Variants in TRIM56 observed in about 807,000 individuals in gnomAD.
TRIM56 encodes the protein E3 ubiquitin-protein ligase TRIM56.
A neutral mutation model predicts 17.1 loss-of-function variants in TRIM56; 10 were observed. The ratio of observed to expected loss-of-function variants is 0.58; its 90% CI spans 0.36 to 0.99. TRIM56 has a LOEUF of 0.99. Among genes scored for constraint, TRIM56 ranks in the 50% least tolerant of loss-of-function variants. TRIM56 has a pLI of 0.01. For synonymous variants in TRIM56, 503 were observed against 473.5 expected (o/e 1.06, Z -0.81); for missense variants, 923 against 1,052.3 (o/e 0.88, Z 1.70).
intron 1 of TRIM56, among the ~76,000 whole-genome samples, chr7:101,085,873 C>T (rs1451748427): frequency 2.6e-5 from 4 of 152,122 alleles, no homozygotes; most frequent in African/African-American, 4.8e-5. Flanking sequence ...GCCAGGAGCT[C>T]GGGACTCCCT....
Position 101,087,318 on chromosome 7 carries a change from T to A in TRIM56, c.6T>A (p.Val2=). ...CTGACGCCTCTGCCTGCAGCATGGT[T>A]TCCCACGGGTCCTCGCCCTCCCTCC... is the stretch of plus-strand genomic sequence containing the variant. The part of the protein sequence containing the change: M[V]SHGSSPSLLE... The change falls in exon 3 of 3, where the codon GTT becomes GTA. Residue 2 remains valine (V), a synonymous_variant. Transcript: ENST00000306085. 1.2e-6 allele frequency: 2 copies of A among 1,611,064 alleles called. No individual in the cohort carries two copies. Among genetic ancestry groups the A allele is most frequent in the Non-Finnish European group, 1.7e-6 (2 of 1,178,418 alleles).
In TRIM56 at chr7:101,087,921, G is replaced by T. The variant is rs778760410; in HGVS notation, c.609G>T (p.Leu203=). Residue 203 remains leucine (L), a synonymous_variant, in exon 3 of 3, where the codon CTG becomes CTT. Transcript: ENST00000306085. ...RLDPHLDHPC[L]PLAEAVRARR... is the part of the protein sequence containing the mutation. ...ACCCCCACCTGGACCACCCCTGCCT[G>T]CCTCTGGCTGAAGCTGTGCGTGCCC... 3 of 1,601,662 alleles carry T rather than the reference G, an allele frequency of 1.9e-6. No individual in the cohort carries two copies. The highest frequency in any genetic ancestry group is 2.5e-6 in the Non-Finnish European group (3 of 1,177,556).
At chr7:101,085,888 C>T (rs552279107) in intron 1 of TRIM56, among the ~76,000 whole-genome samples, 158 of 152,292 alleles carry the variant, frequency 1.0e-3, no homozygotes, top group Non-Finnish European at 1.9e-3. Context: ...CTCCCTCCCT[C>T]CAGAGGTTTC....
In TRIM56 at chr7:101,091,851, T is replaced by C. The variant is rs1360999849; in HGVS notation, c.*2271T>C. ...CTCTGATGCCGAGCCGAAGCTGGAC[T>C]GTACTGCTGCCATCTCGGCTCACTG... On this transcript the variant is annotated 3_prime_UTR_variant, in exon 3 of 3. Coordinates refer to ENST00000306085, the MANE Select transcript of TRIM56 (RefSeq NM_030961.3). 5.5e-6 allele frequency: 2 copies of C among 364,602 alleles called. No homozygotes were observed. The highest frequency in any genetic ancestry group is 1.1e-5 in the Non-Finnish European group (2 of 186,494). 22.6% of individuals were successfully genotyped at this position (364,602 alleles called of 1,614,324 possible).
rs1296714054 is a variant in TRIM56, at chr7:101,096,045, C to A, written c.*6465C>A. On this transcript the variant is annotated 3_prime_UTR_variant, in exon 3 of 3. Coordinates refer to ENST00000306085, the MANE Select transcript of TRIM56 (RefSeq NM_030961.3). ...CTCTACTAAAAATACAAAAATTAGC[C>A]AGGCGTGGTGGCACATGCCTGTAAT... is the stretch of plus-strand genomic sequence containing the variant. The A allele has an allele frequency of 2.6e-5, 4 of 152,104 alleles. No individual in the cohort carries two copies. Among genetic ancestry groups the A allele is most frequent in the South Asian group, 2.1e-4 (1 of 4,816 alleles). The allele number at this position is 152,104 out of a possible 1,614,324, so 9.4% of individuals were successfully genotyped here.
rs750360285 is a variant in TRIM56, at chr7:101,089,443, C to T, written c.2131C>T (p.Leu711Phe). ...KVVILDPKGSLLGDFLTAYHG... is the reference protein window; with the variant it reads ...KVVILDPKGSFLGDFLTAYHG... Reference sequence around the variant, plus strand: ...GGTGATCCTGGACCCGAAGGGGTCCCTCCTTGGAGACTTCCTGACAGCCTA... The same window carrying T: ...GGTGATCCTGGACCCGAAGGGGTCCTTCCTTGGAGACTTCCTGACAGCCTA... The change falls in exon 3 of 3, where the codon CTC becomes TTC. Residue 711 changes from leucine to phenylalanine, a missense_variant. Physicochemically the swap from Leu to Phe is conservative, Grantham distance 22. This residue lies in a region of TRIM56 where 182 missense variants were observed against 243.1 expected (regional missense o/e 0.75). Coordinates refer to ENST00000306085, the MANE Select transcript of TRIM56 (RefSeq NM_030961.3). The T allele has an allele frequency of 1.9e-6, 3 of 1,614,262 alleles. No individual in the cohort carries two copies. Among genetic ancestry groups the T allele is most frequent in the Admixed American group, 3.3e-5 (2 of 60,032 alleles).
chr7:101,088,562 A>AGCCGGAGATG lies in TRIM56; in HGVS notation c.1251_1252insCCGGAGATGG (p.Thr418ProfsTer112). ...CAGCCCCAGGCTGGAGATGGAGCCC[A>AGCCGGAGATG]GACCCCAAAAGAGGAAAAAGCCCAG... On this transcript the variant is annotated frameshift_variant, in exon 3 of 3. Transcript: ENST00000306085. LOFTEE classifies it high-confidence loss of function. The AGCCGGAGATG allele has an allele frequency of 1.2e-6, 2 of 1,609,986 alleles. No individual in the cohort carries two copies. The highest frequency in any genetic ancestry group is 1.7e-6 in the Non-Finnish European group (2 of 1,176,794).
Position 101,089,691 on chromosome 7 carries a change from C to T in TRIM56, c.*111C>T. 1 of 1,029,052 alleles carries T rather than the reference C, an allele frequency of 9.7e-7. No individual in the cohort carries two copies. The highest frequency in any genetic ancestry group is 1.4e-6 in the Non-Finnish European group (1 of 712,558). The allele number at this position is 1,029,052 out of a possible 1,614,324, so 63.7% of individuals were successfully genotyped here. On this transcript the variant is annotated 3_prime_UTR_variant, in exon 3 of 3. Coordinates refer to ENST00000306085, the MANE Select transcript of TRIM56 (RefSeq NM_030961.3). ...CATTTTCCTGAAGGGCAGGGGTTGG[C>T]AACTTTTCAACATGGAGTGCCAAAC...
At position 101,090,597 on chromosome 7, in the gene TRIM56, C is replaced by T. The variant is rs1795543979; in HGVS notation, c.*1017C>T. 3 of 122,244 alleles carry T rather than the reference C, an allele frequency of 2.5e-5. No homozygotes were observed. In the South Asian group the frequency reaches 8.4e-4, roughly 34 times the overall value. The allele number at this position is 122,244 out of a possible 1,614,324, so 7.6% of individuals were successfully genotyped here. A position where few individuals can be genotyped will look rare whatever the true frequency, so the allele number is the denominator to read the frequency against. On this transcript the variant is annotated 3_prime_UTR_variant, in exon 3 of 3. Transcript: ENST00000306085. ...TATGATCGCACCACTGCATTCCAGA[C>T]CCCATCTCGAAAAAAAAAAAAAAAA...
In TRIM56 at chr7:101,091,921, G is replaced by A. The variant is rs969516493; in HGVS notation, c.*2341G>A. 41 of 306,074 alleles carry A rather than the reference G, an allele frequency of 1.3e-4. No homozygotes were observed. The highest frequency in any genetic ancestry group is 2.2e-4 in the Non-Finnish European group (34 of 154,736). 19.0% of individuals were successfully genotyped at this position (306,074 alleles called of 1,614,324 possible). A position where few individuals can be genotyped will look rare whatever the true frequency, so the allele number is the denominator to read the frequency against. On this transcript the variant is annotated 3_prime_UTR_variant, in exon 3 of 3. Coordinates refer to ENST00000306085, the MANE Select transcript of TRIM56 (RefSeq NM_030961.3). ...TCCTGCCTCAGCCTGCCGAGTGCCT[G>A]CGATTGCAGGCGCGCGCCGCCACGC... is the stretch of plus-strand genomic sequence containing the variant.
chr7:101,087,601 G>C lies in TRIM56; in HGVS notation c.289G>C (p.Gly97Arg), dbSNP rs763005908. 3.6e-5 allele frequency: 58 copies of C among 1,612,234 alleles called. No individual in the cohort carries two copies. The highest frequency in any genetic ancestry group is 3.7e-5 in the Non-Finnish European group (44 of 1,179,554). Reference protein sequence around the residue: ...KARACGDLRAGKPACALCPLV... With the variant: ...KARACGDLRARKPACALCPLV... ...CCGGGCCTGTGGAGACCTGCGTGCC[G>C]GGAAGCCAGCCTGTGCCCTGTGTCC... Residue 97 changes from glycine (G) to arginine (R), a missense_variant, in exon 3 of 3, where the codon GGG becomes CGG. By Grantham distance (125) the Gly-to-Arg change is moderately radical. Coordinates refer to ENST00000306085, the MANE Select transcript of TRIM56 (RefSeq NM_030961.3).
At position 101,089,279 on chromosome 7, in the gene TRIM56, A is replaced by G; in HGVS notation, c.1967A>G (p.Asn656Ser). 1 of 1,609,972 alleles carries G rather than the reference A, an allele frequency of 6.2e-7. No individual in the cohort carries two copies. Among genetic ancestry groups the G allele is most frequent in the Non-Finnish European group, 8.5e-7 (1 of 1,177,048 alleles). Reference sequence around the variant, plus strand: ...TTCGTGGGGTCGGACTGGCAGCAGAATAGTGTGGTAATCTGTGATGGGCTG... The same window carrying G: ...TTCGTGGGGTCGGACTGGCAGCAGAGTAGTGTGGTAATCTGTGATGGGCTG... ...GHFVGSDWQQ[N>S]SVVICDGLGQ... The change falls in exon 3 of 3, where the codon AAT (asparagine) becomes AGT (serine). Residue 656 changes from asparagine (N) to serine (S), a missense_variant. This residue lies in a region of TRIM56 where 182 missense variants were observed against 243.1 expected (regional missense o/e 0.75). Transcript: ENST00000306085.
At position 101,089,589 on chromosome 7, in the gene TRIM56, G is replaced by C. The variant is rs781186705; in HGVS notation, c.*9G>C. The C allele has an allele frequency of 5.0e-6, 8 of 1,605,004 alleles. No homozygotes were observed. In the South Asian group the frequency reaches 8.8e-5, roughly 18 times the overall value. On this transcript the variant is annotated 3_prime_UTR_variant, in exon 3 of 3. Transcript: ENST00000306085. ...GTTCTCCGGACAGTTAAAGGGGCTA[G>C]GACTAGGGTGAGAGGGAGTGGGGAG...
At position 101,087,701 on chromosome 7, in the gene TRIM56, C is replaced by A; in HGVS notation, c.389C>A (p.Ala130Asp). The part of the protein sequence containing the change: ...CLDCADDLCQ[A>D]CADGHRCTRQ... ...GACTGTGCCGATGACTTGTGCCAGG[C>A]CTGTGCCGACGGGCACCGCTGCACC... Residue 130 changes from alanine (A) to aspartate (D), a missense_variant, in exon 3 of 3, where the codon GCC becomes GAC. Physicochemically the swap from Ala to Asp is moderately radical, Grantham distance 126. Transcript: ENST00000306085. 6.3e-7 allele frequency: 1 copy of A among 1,588,276 alleles called. No homozygotes were observed. The highest frequency in any genetic ancestry group is 1.1e-5 in the South Asian group (1 of 88,146).
chr7:101,088,853 G>C lies in TRIM56; in HGVS notation c.1541G>C (p.Cys514Ser). The C allele has an allele frequency of 6.2e-7, 1 of 1,613,842 alleles. No homozygotes were observed. The change falls in exon 3 of 3, where the codon TGT becomes TCT. Residue 514 changes from cysteine (C) to serine (S), a missense_variant. By Grantham distance (112) the Cys-to-Ser change is moderately radical (BLOSUM62 -1). Around this residue, in one of 3 missense-constraint regions of TRIM56, gnomAD observed 643 missense variants for 665.6 expected, o/e 0.97. Coordinates refer to ENST00000306085, the MANE Select transcript of TRIM56 (RefSeq NM_030961.3). ...DKRSPRITGL[C>S]PFGPREILVA... ...CGGTCCCCCCGGATCACCGGGCTCT[G>C]TCCCTTCGGTCCCCGGGAGATCCTG... is the stretch of plus-strand genomic sequence containing the variant.
Position 101,092,569 on chromosome 7 carries a change from AGGGAG to A in TRIM56, c.*2991_*2995del, listed in dbSNP as rs1562840685. On this transcript the variant is annotated 3_prime_UTR_variant, in exon 3 of 3. Coordinates refer to ENST00000306085, the MANE Select transcript of TRIM56 (RefSeq NM_030961.3). ...CCGCCCGGCAGCCGCCCCGTCCGGG[AGGGAG>A]GTGGGGGGTCAGCCCCCTCCCGGCC... 1 of 153,154 alleles carries A rather than the reference AGGGAG, an allele frequency of 6.5e-6. No individual in the cohort carries two copies. The highest frequency in any genetic ancestry group is 2.6e-5 in the African/African-American group (1 of 39,172). 9.5% of individuals were successfully genotyped at this position (153,154 alleles called of 1,614,324 possible).
In TRIM56 at chr7:101,093,340, T is replaced by TAAAAAAAAAA. The variant is rs576426651; in HGVS notation, c.*3770_*3779dup. On this transcript the variant is annotated 3_prime_UTR_variant, in exon 3 of 3. Coordinates refer to ENST00000306085, the MANE Select transcript of TRIM56 (RefSeq NM_030961.3). ...CACCCAAGAATGATCAATAAAAAAT[T>TAAAAAAAAAA]AAAAAAAAAAAAAAAAAAAGAAAAC... 1.1e-5 allele frequency: 1 copy of TAAAAAAAAAA among 90,882 alleles called. No homozygotes were observed. Among genetic ancestry groups the TAAAAAAAAAA allele is most frequent in the Admixed American group, 1.2e-4 (1 of 8,210 alleles). 5.6% of individuals were successfully genotyped at this position (90,882 alleles called of 1,614,324 possible). A position where few individuals can be genotyped will look rare whatever the true frequency, so the allele number is the denominator to read the frequency against.
At position 101,088,304 on chromosome 7, in the gene TRIM56, G is replaced by A. The variant is rs985768472; in HGVS notation, c.992G>A (p.Arg331Gln). Residue 331 changes from arginine (R) to glutamine (Q), a missense_variant, in exon 3 of 3, where the codon CGG becomes CAG. Arg to Gln is a conservative substitution (Grantham distance 43). Around this residue, in one of 3 missense-constraint regions of TRIM56, gnomAD observed 643 missense variants for 665.6 expected, o/e 0.97. Transcript: ENST00000306085. ...ILSLEGAIAQ[R>Q]LRQLQGCPWA... ...TCCCTGGAAGGGGCGATCGCACAGC[G>A]GCTCAGGCAGCTGCAGGGCTGCCCC... The A allele has an allele frequency of 1.6e-5, 24 of 1,526,054 alleles. No homozygotes were observed. The highest frequency in any genetic ancestry group is 2.1e-5 in the Admixed American group (1 of 47,332). The allele number at this position is 1,526,054 out of a possible 1,614,324, so 94.5% of individuals were successfully genotyped here. A position where few individuals can be genotyped will look rare whatever the true frequency, so the allele number is the denominator to read the frequency against.
At position 101,096,336 on chromosome 7, in the gene TRIM56, C is replaced by G. The variant is rs538013160; in HGVS notation, c.*6756C>G. The stretch of plus-strand genomic sequence containing the variant: ...CCTGTTCGGAACTGACTAGGTTGTG[C>G]GTGGATGGACCAGTGAAAAGAAAAT... On this transcript the variant is annotated 3_prime_UTR_variant, in exon 3 of 3. Coordinates refer to ENST00000306085, the MANE Select transcript of TRIM56 (RefSeq NM_030961.3). The G allele has an allele frequency of 6.6e-6, 1 of 152,088 alleles. No homozygotes were observed. Among genetic ancestry groups the G allele is most frequent in the South Asian group, 2.1e-4 (1 of 4,806 alleles). The allele number at this position is 152,088 out of a possible 1,614,324, so 9.4% of individuals were successfully genotyped here.
Sources: allele counts gnomAD v4.1 joint callset (sites outside exome capture counted in the v4.1 genomes callset), GRCh38; gene constraint gnomAD v4.1.1; regional missense constraint gnomAD v4.1.1; transcripts MANE v1.5; gene names NCBI Gene and HGNC (gene_info 2026-07-23, HGNC 2026-07-21).